Variants in CDC42EP3 observed in about 807,000 individuals in gnomAD.
CDC42EP3 encodes CDC42 effector protein (Rho GTPase binding) 3.
In CDC42EP3, 4 loss-of-function variants were observed where a neutral mutation model predicts 15.5. The observed-to-expected ratio is 0.26, with a 90% CI of 0.13 to 0.59. The LOEUF (loss-of-function observed/expected upper bound fraction) is 0.59, where lower values mean the gene tolerates loss of function less well. Among genes scored for constraint, CDC42EP3 ranks in the 20% least tolerant of loss-of-function variants. The pLI is 0.89. For synonymous variants in CDC42EP3, 145 were observed against 130.3 expected (o/e 1.11, Z -0.77); for missense variants, 309 against 311.2 (o/e 0.99, Z 0.05).
intron 1 of CDC42EP3, among the ~76,000 whole-genome samples, chr2:37,663,168 C>CG (rs1558342881): frequency 6.0e-5 from 9 of 148,842 alleles, no homozygotes; most frequent in Non-Finnish European, 1.2e-4. Flanking sequence ...AACTCGGTCT[C>CG]AAAAACAAAA....
intron 1 of CDC42EP3, among the ~76,000 whole-genome samples, chr2:37,651,562 A>T (rs1453757344): frequency 6.6e-6 from 1 of 152,278 alleles, no homozygotes; most frequent in African/African-American, 2.4e-5. Context: ...GCTATGGGAC[A>T]GATCACTTTT....
chr2:37,646,070 C>A lies in CDC42EP3; in HGVS notation c.518G>T (p.Gly173Val). 6.2e-7 allele frequency: 1 copy of A among 1,614,148 alleles called. No homozygotes were observed. Among genetic ancestry groups the A allele is most frequent in the Non-Finnish European group, 8.5e-7 (1 of 1,180,020 alleles). ...GGACTGAGATGCAGAACCGCTGGAG[C>A]CCCACGAGGTGTCTCCCTGGTGGAC... ...GTVHQGDTSW[G>V]SSGSASQSSQ... The change falls in exon 2 of 2, where the codon GGC becomes GTC. Residue 173 changes from glycine to valine, a missense_variant. By Grantham distance (109) the Gly-to-Val change is moderately radical (BLOSUM62 -3). Transcript: ENST00000295324.
intron 1 of CDC42EP3, among the ~76,000 whole-genome samples, chr2:37,651,394 A>ATTTTAT (rs1271738324): frequency 6.6e-6 from 1 of 152,218 alleles, no homozygotes; most frequent in Non-Finnish European, 1.5e-5. Flanking sequence ...TGGAGAGCCA[A>ATTTTAT]TTTTATACAT....
rs1665838716 is a variant in CDC42EP3, at chr2:37,656,145, G to A, written c.-235-9323C>T. 2.0e-5 allele frequency among the ~76,000 whole-genome samples: 3 copies of A among 152,218 alleles called. No individual in the cohort carries two copies. In the South Asian group the frequency reaches 6.2e-4, roughly 32 times the overall value. On this transcript the variant is annotated intron_variant, in intron 1 of 1. Coordinates refer to ENST00000295324, the MANE Select transcript of CDC42EP3 (RefSeq NM_006449.5). ...ACAATAATCCACGTTCCTTGGATGG[G>A]CTGAAACATGGCTTTTCTGTATGAT... is the stretch of plus-strand genomic sequence containing the variant.
intron 1 of CDC42EP3, among the ~76,000 whole-genome samples, chr2:37,653,480 C>T (rs1209392851): frequency 2.6e-5 from 4 of 152,052 alleles, no homozygotes; most frequent in Non-Finnish European, 5.9e-5. Flanking sequence ...AAAACTGAAG[C>T]GGTGCTTTGC....
rs757262137 is a variant in CDC42EP3 at position 37,646,081 on chromosome 2, G to A, written c.507C>T (p.Asp169=). Residue 169 remains aspartate (D), a synonymous_variant, in exon 2 of 2, where the codon GAC becomes GAT. Transcript: ENST00000295324. ...LLENGTVHQG[D]TSWGSSGSAS... ...CAGAACCGCTGGAGCCCCACGAGGT[G>A]TCTCCCTGGTGGACTGTCCCATTCT... 3.7e-6 allele frequency: 6 copies of A among 1,614,098 alleles called. No individual in the cohort carries two copies. The Admixed American group carries it at 8.3e-5, about 22-fold the overall frequency.
At chr2:37,663,068 G>C (rs1261221911) in intron 1 of CDC42EP3, among the ~76,000 whole-genome samples, 2 of 152,252 alleles carry the variant, frequency 1.3e-5, no homozygotes, top group African/African-American at 2.4e-5. Flanking sequence ...ATGAGGCTGA[G>C]GCAGGAGAAT....
chr2:37,649,740 G>T (rs1665606477), intron 1 of CDC42EP3, among the ~76,000 whole-genome samples: 1 of 152,098 alleles, frequency 6.6e-6, no homozygotes, highest in Admixed American at 6.6e-5. Context: ...AGCACCAGGG[G>T]CCTCCAACCA....
intron 1 of CDC42EP3, among the ~76,000 whole-genome samples, chr2:37,663,254 TC>T (rs1482597715): frequency 6.6e-6 from 1 of 152,202 alleles, no homozygotes; most frequent in Non-Finnish European, 1.5e-5. Flanking sequence ...CCTCATGTGT[TC>T]AACAACAAAC....
intron 1 of CDC42EP3, among the ~76,000 whole-genome samples, chr2:37,666,430 G>A (rs958337922): frequency 2.0e-5 from 3 of 152,204 alleles, no homozygotes; most frequent in African/African-American, 7.2e-5. Context: ...CTAATTGCAG[G>A]TGTGTGATCT....
intron 1 of CDC42EP3, among the ~76,000 whole-genome samples, chr2:37,662,478 C>CT (rs1434879372): frequency 6.6e-6 from 1 of 152,198 alleles, no homozygotes; most frequent in East Asian, 1.9e-4. Flanking sequence ...GCCACCTAAA[C>CT]TGATTGTTTT....
intron 1 of CDC42EP3, among the ~76,000 whole-genome samples, chr2:37,652,571 C>A (rs1309615918): frequency 1.3e-5 from 2 of 152,026 alleles, no homozygotes; most frequent in East Asian, 3.9e-4. Context: ...TCTTGAACCC[C>A]TTTCCTGCAA....
chr2:37,663,218 T>C (rs868503659), intron 1 of CDC42EP3, among the ~76,000 whole-genome samples: 3 of 152,150 alleles, frequency 2.0e-5, no homozygotes, highest in Admixed American at 1.3e-4. Context: ...CAACCTTCCA[T>C]GTGCCTCCCC....
intron 1 of CDC42EP3, among the ~76,000 whole-genome samples, chr2:37,671,021 G>C (rs994681558): frequency 4.6e-5 from 7 of 152,258 alleles, no homozygotes; most frequent in Non-Finnish European, 7.3e-5. Flanking sequence ...TGCCACGGCA[G>C]AGCTGTGCGA....
rs151019436 is a variant in CDC42EP3 at position 37,643,669 on chromosome 2, G to A, written c.*2154C>T. On this transcript the variant is annotated 3_prime_UTR_variant, in exon 2 of 2. Coordinates refer to ENST00000295324, the MANE Select transcript of CDC42EP3 (RefSeq NM_006449.5). The stretch of plus-strand genomic sequence containing the variant: ...CAGATGAAGAGTAAAATGAAAGACT[G>A]AATATGATCAATACTAATTAAAATG... The A allele has an allele frequency of 1.3e-5, 2 of 152,308 alleles. No individual in the cohort carries two copies. The highest frequency in any genetic ancestry group is 4.8e-5 in the African/African-American group (2 of 41,558). The allele number at this position is 152,308 out of a possible 1,614,324, so 9.4% of individuals were successfully genotyped here.
At chr2:37,651,310 T>C (rs1665669776) in intron 1 of CDC42EP3, among the ~76,000 whole-genome samples, 1 of 152,218 alleles carries the variant, frequency 6.6e-6, no homozygotes, top group South Asian at 2.1e-4. Context: ...TTTCAAATCA[T>C]GTTAATGAAC....
chr2:37,663,514 G>C (rs531894537), intron 1 of CDC42EP3, among the ~76,000 whole-genome samples: 4 of 152,234 alleles, frequency 2.6e-5, no homozygotes, highest in Non-Finnish European at 4.4e-5. Context: ...GAAAGCATTG[G>C]TGGGGGTTGC....
At position 37,646,528 on chromosome 2, in the gene CDC42EP3, A is replaced by G; in HGVS notation, c.60T>C (p.Phe20=). The change falls in exon 2 of 2, where the codon TTT becomes TTC. Residue 20 remains phenylalanine, a synonymous_variant. Transcript: ENST00000295324. ...KAANNKKGKK[F]KLRDILSPDM... The stretch of plus-strand genomic sequence containing the variant: ...CAGGAGACAGAATGTCCCTCAGTTT[A>G]AATTTCTTTCCTTTCTTGTTATTGG... 1.3e-6 allele frequency: 2 copies of G among 1,580,362 alleles called. No homozygotes were observed. The highest frequency in any genetic ancestry group is 1.7e-6 in the Non-Finnish European group (2 of 1,167,604).
rs1665375552 is a variant in CDC42EP3, at chr2:37,644,468, T to G, written c.*1355A>C. 1 of 152,148 alleles carries G rather than the reference T, an allele frequency of 6.6e-6. No individual in the cohort carries two copies. The highest frequency in any genetic ancestry group is 2.4e-5 in the African/African-American group (1 of 41,416). The allele number at this position is 152,148 out of a possible 1,614,324, so 9.4% of individuals were successfully genotyped here. A position where few individuals can be genotyped will look rare whatever the true frequency, so the allele number is the denominator to read the frequency against. On this transcript the variant is annotated 3_prime_UTR_variant, in exon 2 of 2. Coordinates refer to ENST00000295324, the MANE Select transcript of CDC42EP3 (RefSeq NM_006449.5). ...TAAGTGCTCTCTACTGCCCTCGTTT[T>G]AGCTGCCTTTATCTCGTCTATATGG...
Sources: allele counts gnomAD v4.1 joint callset (sites outside exome capture counted in the v4.1 genomes callset), GRCh38; gene constraint gnomAD v4.1.1; transcripts MANE v1.5; gene names NCBI Gene and HGNC (gene_info 2026-07-23, HGNC 2026-07-21).